RSF1: variants seen among roughly 807,000 people sequenced by gnomAD.
RSF1 encodes remodeling and spacing factor 1.
Under a neutral mutation model 145.2 loss-of-function variants are expected in RSF1, and 13 were observed. That is an observed-to-expected ratio of 0.09 (90% confidence interval 0.06 to 0.14). The LOEUF (loss-of-function observed/expected upper bound fraction) is 0.14, where lower values mean the gene tolerates loss of function less well. Ranked by LOEUF, RSF1 falls within the 10% of genes least tolerant of loss-of-function variation. The probability of loss-of-function intolerance (pLI) is 1.00; values close to 1 mark genes in which losing one functional copy is unlikely to be tolerated. For synonymous variants in RSF1, 577 were observed against 592.6 expected (o/e 0.97, Z 0.38); for missense variants, 1,517 against 1,718.2 (o/e 0.88, Z 2.07).
intron 1 of RSF1, among the ~76,000 whole-genome samples, chr11:77,767,535 A>C (rs1948238164): frequency 6.6e-6 from 1 of 152,192 alleles, no homozygotes; most frequent in African/African-American, 2.4e-5. Context: ...TCCTGCACTG[A>C]AATCCTTGAT....
At chr11:77,734,469 C>A in intron 4 of RSF1, 1 of 1,585,444 alleles carries the variant, frequency 6.3e-7, no homozygotes, top group South Asian at 1.1e-5. Flanking sequence ...GGAAATTAGC[C>A]GAGGCTTAGC....
the RSF1 span, among the ~76,000 whole-genome samples, chr11:77,849,570 G>T: frequency 3.3e-5 from 5 of 152,126 alleles, no homozygotes; most frequent in African/African-American, 1.2e-4. Flanking sequence ...CTGTTGCTTA[G>T]GTTGGTTCAA....
the RSF1 span, among the ~76,000 whole-genome samples, chr11:77,833,514 A>C: frequency 6.6e-6 from 1 of 152,188 alleles, no homozygotes. Context: ...AGCCACAGGA[A>C]GTGGCTTACA....
rs559625891 is a variant in RSF1 at position 77,751,624 on chromosome 11, T to C, written c.280-4496A>G. ...TGAGAGGGCAGATGCCTAATTTCCA[T>C]TAATGCTACTTAGAAGACAGAAATG... On this transcript the variant is annotated intron_variant, in intron 2 of 15. Coordinates refer to ENST00000308488, the MANE Select transcript of RSF1 (RefSeq NM_016578.4). Among the ~76,000 whole-genome samples the C allele has an allele frequency of 3.3e-5, 5 of 152,362 alleles. No individual in the cohort carries two copies. The East Asian group carries it at 7.7e-4, about 23-fold the overall frequency.
the RSF1 span, among the ~76,000 whole-genome samples, chr11:77,827,675 C>T: frequency 1.3e-5 from 2 of 152,150 alleles, no homozygotes; most frequent in Non-Finnish European, 2.9e-5. Flanking sequence ...ATATGGAATG[C>T]TGAAAACTAA....
Position 77,701,616 on chromosome 11 carries a change from T to G in RSF1, c.1613A>C (p.Glu538Ala). Residue 538 changes from glutamate (E) to alanine (A), a missense_variant, in exon 6 of 16, where the codon GAA (glutamate) becomes GCA (alanine). By Grantham distance (107) the Glu-to-Ala change is moderately radical. Around this residue, in one of 12 missense-constraint regions of RSF1, gnomAD observed 579 missense variants for 553.5 expected, o/e 1.05. Transcript: ENST00000308488. ...QIEEPDPPEMETSLDSSEMAK... is the reference protein window; with the variant it reads ...QIEEPDPPEMATSLDSSEMAK... ...CATCTCAGAAGAATCAAGAGAAGTT[T>G]CCATTTCTGGAGGATCGGGTTCCTC... The G allele has an allele frequency of 6.2e-7, 1 of 1,614,146 alleles. No homozygotes were observed. Among genetic ancestry groups the G allele is most frequent in the Non-Finnish European group, 8.5e-7 (1 of 1,180,010 alleles).
chr11:77,733,976 T>C (rs1045620837), intron 4 of RSF1, among the ~76,000 whole-genome samples: 12 of 152,216 alleles, frequency 7.9e-5, no homozygotes, highest in African/African-American at 2.9e-4. Context: ...TTTTATCTTC[T>C]TTCATTGAGG....
Position 77,820,686 on chromosome 11 carries a change from A to C in RSF1, c.29T>G (p.Val10Gly), listed in dbSNP as rs766558399. 4 of 1,551,202 alleles carry C rather than the reference A, an allele frequency of 2.6e-6. No homozygotes were observed. Among genetic ancestry groups the C allele is most frequent in the Non-Finnish European group, 3.5e-6 (4 of 1,148,870 alleles). The change falls in exon 1 of 16, where the codon GTG becomes GGG. Residue 10 changes from valine to glycine, a missense_variant. Val to Gly is a moderately radical substitution (Grantham distance 109, BLOSUM62 -3). This residue lies in a region of RSF1 where 85 missense variants were observed against 91.8 expected (regional missense o/e 0.93). Transcript: ENST00000308488. ...ACCCGGGCAGCCCGGAGGAGCCATC[A>C]CCGCCGCCGCTGCCGCCGCCGTCGC... The part of the protein sequence containing the change: MATAAAAAA[V>G]MAPPGCPGSC...
At chr11:77,806,598 T>G (rs1439633681) in intron 1 of RSF1, among the ~76,000 whole-genome samples, 1 of 151,980 alleles carries the variant, frequency 6.6e-6, no homozygotes, top group East Asian at 1.9e-4. Context: ...GGAAGATCAC[T>G]TGAGTCCAGG....
chr11:77,732,029 C>T (rs969801047), intron 4 of RSF1, among the ~76,000 whole-genome samples: 7 of 152,208 alleles, frequency 4.6e-5, no homozygotes, highest in African/African-American at 1.7e-4. Context: ...ATAGCTTGCA[C>T]CGTGTGCTTG....
chr11:77,833,084 CA>C, the RSF1 span, among the ~76,000 whole-genome samples: 4 of 139,010 alleles, frequency 2.9e-5, no homozygotes, highest in Middle Eastern at 3.9e-3. Context: ...GATCTCATAT[CA>C]GTGCAACCTC....
chr11:77,722,674 A>G (rs1196604187), intron 5 of RSF1, among the ~76,000 whole-genome samples: 3 of 152,212 alleles, frequency 2.0e-5, no homozygotes, highest in African/African-American at 7.2e-5. Flanking sequence ...AATTAAAATA[A>G]TAATAGTAGT....
At chr11:77,679,550 G>A (rs1959801204) in intron 11 of RSF1, among the ~76,000 whole-genome samples, 2 of 151,970 alleles carry the variant, frequency 1.3e-5, no homozygotes, top group Admixed American at 6.6e-5. Flanking sequence ...GTGCGTGCCT[G>A]TAGTTCCAGC....
intron 4 of RSF1, among the ~76,000 whole-genome samples, chr11:77,738,370 A>G (rs1961419089): frequency 6.6e-6 from 1 of 152,256 alleles, no homozygotes; most frequent in Admixed American, 6.5e-5. Context: ...ACTAAAGTTA[A>G]TACAATAAAA....
intron 5 of RSF1, chr11:77,702,730 A>C (rs1960456585): frequency 3.0e-6 from 1 of 330,924 alleles, no homozygotes; most frequent in East Asian, 4.8e-5. Context: ...TCTGCTTTTT[A>C]CTTTTTGTTT....
At chr11:77,839,355 T>A in the RSF1 span, among the ~76,000 whole-genome samples, 1 of 152,176 alleles carries the variant, frequency 6.6e-6, no homozygotes, top group East Asian at 1.9e-4. Flanking sequence ...ATAGGAATGC[T>A]TTTACACTAT....
chr11:77,679,032 T>C (rs905569768), intron 11 of RSF1, among the ~76,000 whole-genome samples: 1 of 152,252 alleles, frequency 6.6e-6, no homozygotes, highest in Non-Finnish European at 1.5e-5. Flanking sequence ...GTAAATATTT[T>C]AGGCTTTTCA....
intron 5 of RSF1, among the ~76,000 whole-genome samples, chr11:77,714,351 G>C (rs913295596): frequency 4.6e-5 from 7 of 152,112 alleles, no homozygotes; most frequent in Admixed American, 4.6e-4. Context: ...AATTGGTAGA[G>C]ACTCAAAATC....
chr11:77,706,912 T>G lies in RSF1; in HGVS notation c.734-4417A>C, dbSNP rs1372880582. On this transcript the variant is annotated intron_variant, in intron 5 of 15. Transcript: ENST00000308488. ...GCCAATGATTGCATACAATACTACA[T>G]ATAAGGCCTTCAGAAGAGTAATACC... is the stretch of plus-strand genomic sequence containing the variant. 2.6e-5 allele frequency among the ~76,000 whole-genome samples: 4 copies of G among 152,138 alleles called. 1 individual carries two copies. The highest frequency in any genetic ancestry group is 2.0e-4 in the Admixed American group (3 of 15,278).
Sources: allele counts gnomAD v4.1 joint callset (sites outside exome capture counted in the v4.1 genomes callset), GRCh38; gene constraint gnomAD v4.1.1; regional missense constraint gnomAD v4.1.1; transcripts MANE v1.5; gene names NCBI Gene and HGNC (gene_info 2026-07-23, HGNC 2026-07-21).